KCNG2: variants seen among roughly 807,000 people sequenced by gnomAD.
KCNG2 encodes the protein voltage-gated potassium channel regulatory subunit KCNG2.
Under a neutral mutation model 12.3 loss-of-function variants are expected in KCNG2, and 7 were observed. The observed-to-expected ratio is 0.57, with a 90% confidence interval of 0.32 to 1.07. The LOEUF is 1.07. KCNG2 is among the 50% of genes least tolerant of loss of function. The pLI is 0.04. For missense variants in KCNG2, 703 were observed against 726.0 expected, an observed-to-expected ratio of 0.97 and a Z score of 0.36; for synonymous variants, 414 against 351.4, an observed-to-expected ratio of 1.18 and a Z score of -1.99.
intron 1 of KCNG2, among the ~76,000 whole-genome samples, chr18:79,848,172 A>G (rs1453173201): frequency 6.6e-6 from 1 of 152,174 alleles, no homozygotes; most frequent in Non-Finnish European, 1.5e-5. Flanking sequence ...CGCCAACCTC[A>G]TCTGTCCTCG....
chr18:79,895,778 C>G lies in KCNG2; in HGVS notation c.625-3262C>G, dbSNP rs200572162. On this transcript the variant is annotated intron_variant, in intron 3 of 3. Coordinates refer to ENST00000316249, the MANE Select transcript of KCNG2 (RefSeq NM_012283.2). ...TATAGTTGGATCTGTGTCTGCTTTT[C>G]ATTGGGTTGTTCACTCCATTCACAT... Among the ~76,000 whole-genome samples the G allele has an allele frequency of 2.8e-3, 329 of 117,712 alleles. 1 individual carries two copies. The highest frequency in any genetic ancestry group is 6.8e-3 in the African/African-American group (237 of 34,804). 77.2% of individuals were successfully genotyped at this position (117,712 alleles called of 152,430 possible). A position where few individuals can be genotyped will look rare whatever the true frequency, so the allele number is the denominator to read the frequency against.
intron 1 of KCNG2, among the ~76,000 whole-genome samples, chr18:79,830,574 C>T (rs547625062): frequency 6.6e-6 from 1 of 152,376 alleles, no homozygotes; most frequent in South Asian, 2.1e-4. Context: ...GGCCATGGGT[C>T]CCTCCAGAAC....
intron 1 of KCNG2, among the ~76,000 whole-genome samples, chr18:79,849,912 C>G (rs992600628): frequency 1.4e-5 from 2 of 147,138 alleles, no homozygotes; most frequent in African/African-American, 2.6e-5. Context: ...CCCCACCTGG[C>G]CGTGGGAGGA....
chr18:79,821,537 G>C (rs557307438), intron 1 of KCNG2, among the ~76,000 whole-genome samples: 2 of 151,872 alleles, frequency 1.3e-5, no homozygotes, highest in East Asian at 3.9e-4. Context: ...TTGTCCACCC[G>C]CCTCGGCCTC....
intron 1 of KCNG2, among the ~76,000 whole-genome samples, chr18:79,840,880 CA>C (rs570046483): frequency 1.3e-4 from 19 of 148,768 alleles, no homozygotes; most frequent in East Asian, 3.9e-4. Flanking sequence ...ATCCATAAGC[CA>C]AAAAAAAATG....
Position 79,863,896 on chromosome 18 carries a change from G to T in KCNG2, c.229G>T (p.Ala77Ser). The T allele has an allele frequency of 1.4e-6, 2 of 1,446,380 alleles. No homozygotes were observed. Among genetic ancestry groups the T allele is most frequent in the Non-Finnish European group, 1.8e-6 (2 of 1,095,892 alleles). The allele number at this position is 1,446,380 out of a possible 1,614,324, so 89.6% of individuals were successfully genotyped here. A position where few individuals can be genotyped will look rare whatever the true frequency, so the allele number is the denominator to read the frequency against. Residue 77 changes from alanine to serine, a missense_variant, in exon 3 of 4, where the codon GCC (alanine) becomes TCC (serine). Coordinates refer to ENST00000316249, the MANE Select transcript of KCNG2 (RefSeq NM_012283.2). ...DEFFFDRSPCAFRAIVALLRA... is the reference protein window; with the variant it reads ...DEFFFDRSPCSFRAIVALLRA... The stretch of plus-strand genomic sequence containing the variant: ...GTTCTTCTTCGACCGCAGCCCGTGC[G>T]CCTTCCGCGCCATCGTGGCGCTTTT...
intron 1 of KCNG2, among the ~76,000 whole-genome samples, chr18:79,802,020 T>A (rs999609105): frequency 6.6e-6 from 1 of 152,234 alleles, no homozygotes; most frequent in African/African-American, 2.4e-5. Context: ...ATATCCTACA[T>A]GACGTTCATC....
intron 3 of KCNG2, among the ~76,000 whole-genome samples, chr18:79,892,319 T>C (rs1980772671): frequency 6.6e-6 from 1 of 152,244 alleles, no homozygotes; most frequent in South Asian, 2.1e-4. Flanking sequence ...TATTTTTTGT[T>C]TTAACGTCTA....
At chr18:79,843,708 A>G (rs1319040646) in intron 1 of KCNG2, among the ~76,000 whole-genome samples, 1 of 152,194 alleles carries the variant, frequency 6.6e-6, no homozygotes, top group Non-Finnish European at 1.5e-5. Context: ...GGTAACTAAA[A>G]AGAAAAAAAT....
chr18:79,867,630 G>A (rs1488872086), intron 3 of KCNG2, among the ~76,000 whole-genome samples: 2 of 151,944 alleles, frequency 1.3e-5, no homozygotes, highest in African/African-American at 4.8e-5. Flanking sequence ...CCTGGGCCTG[G>A]GGGTTTGTGT....
intron 1 of KCNG2, among the ~76,000 whole-genome samples, chr18:79,842,076 C>G (rs1978476426): frequency 6.6e-6 from 1 of 152,218 alleles, no homozygotes; most frequent in Non-Finnish European, 1.5e-5. Flanking sequence ...ACAGGCCTAG[C>G]CTCCAGGCCC....
At chr18:79,802,701 C>A (rs1171841963) in intron 1 of KCNG2, among the ~76,000 whole-genome samples, 2 of 151,554 alleles carry the variant, frequency 1.3e-5, no homozygotes, top group East Asian at 3.9e-4. Flanking sequence ...TAGCGTGCAT[C>A]TGTTACAGCT....
At chr18:79,866,775 T>A (rs1379849356) in intron 3 of KCNG2, among the ~76,000 whole-genome samples, 1 of 143,748 alleles carries the variant, frequency 7.0e-6, no homozygotes. Flanking sequence ...CTGAGAGGTC[T>A]GTATGCTGAG....
chr18:79,852,201 G>A (rs1344847345), intron 1 of KCNG2, among the ~76,000 whole-genome samples: 1 of 152,214 alleles, frequency 6.6e-6, no homozygotes, highest in Non-Finnish European at 1.5e-5. Flanking sequence ...AGGGTCCCCC[G>A]CCTCCAGTGA....
intron 3 of KCNG2, among the ~76,000 whole-genome samples, chr18:79,888,820 G>A (rs1399945955): frequency 6.6e-6 from 1 of 151,964 alleles, no homozygotes; most frequent in Non-Finnish European, 1.5e-5. Context: ...GATTACAGAA[G>A]TCCACCACCA....
intron 1 of KCNG2, among the ~76,000 whole-genome samples, chr18:79,798,281 A>T (rs1195513727): frequency 7.2e-6 from 1 of 138,488 alleles, no homozygotes; most frequent in Admixed American, 7.1e-5. Flanking sequence ...CCGGGAGTCG[A>T]GGGGGGCGTC....
rs1979347918 is a variant in KCNG2 at position 79,864,080 on chromosome 18, CGGAGCGCGGGGCGCAGG to C, written c.419_435del (p.Arg140ProfsTer110). The C allele has an allele frequency of 9.4e-7, 1 of 1,064,846 alleles. No homozygotes were observed. Among genetic ancestry groups the C allele is most frequent in the Non-Finnish European group, 1.1e-6 (1 of 882,098 alleles). 66.0% of individuals were successfully genotyped at this position (1,064,846 alleles called of 1,614,324 possible). On this transcript the variant is annotated frameshift_variant, in exon 3 of 4. Coordinates refer to ENST00000316249, the MANE Select transcript of KCNG2 (RefSeq NM_012283.2). LOFTEE classifies it high-confidence loss of function. ...GCGGCCGAGGCCCGCGCGGGGCCGACGGAGCGCGGGGCGCAGGGGAGCCCGGCGCGCGCCCTGGGACC... is the reference window on the plus strand; with the variant it reads ...GCGGCCGAGGCCCGCGCGGGGCCGACGGAGCCCGGCGCGCGCCCTGGGACC...
At chr18:79,876,696 G>T (rs569943965) in intron 3 of KCNG2, among the ~76,000 whole-genome samples, 1 of 152,344 alleles carries the variant, frequency 6.6e-6, no homozygotes, top group East Asian at 1.9e-4. Context: ...AATCATCAAC[G>T]ACACCCTTGG....
chr18:79,899,287 G>C lies in KCNG2; in HGVS notation c.872G>C (p.Arg291Pro). 1 of 1,572,242 alleles carries C rather than the reference G, an allele frequency of 6.4e-7. No homozygotes were observed. Among genetic ancestry groups the C allele is most frequent in the Admixed American group, 1.8e-5 (1 of 55,604 alleles). ...GCGGGGCTGGTGCTGCGGCTGCTGC[G>C]TGCGCTGCGCGTGCTCTACGTGATG... Reference protein sequence around the residue: ...ERAGLVLRLLRALRVLYVMRL... With the variant: ...ERAGLVLRLLPALRVLYVMRL... Residue 291 changes from arginine to proline, a missense_variant, in exon 4 of 4, where the codon CGT (arginine) becomes CCT (proline). By Grantham distance (103) the Arg-to-Pro change is moderately radical. Transcript: ENST00000316249.
Sources: gnomAD v4.1 joint callset for allele counts (sites outside exome capture counted in the v4.1 genomes callset) on GRCh38, gnomAD v4.1.1 for gene constraint, MANE v1.5 for transcripts, NCBI Gene and HGNC (gene_info 2026-07-23, HGNC 2026-07-21) for gene names.